STAT3: variants seen among roughly 807,000 people sequenced by gnomAD.
STAT3 encodes signal transducer and activator of transcription 3.
Under a neutral mutation model 114.3 loss-of-function variants are expected in STAT3, and 7 were observed. That is an observed-to-expected ratio of 0.06 (90% CI 0.03 to 0.11). The LOEUF is 0.11. Among genes scored for constraint, STAT3 ranks in the 10% least tolerant of loss-of-function variants. STAT3 has a pLI of 1.00. For missense variants in STAT3, 364 were observed against 960.9 expected (o/e 0.38, Z 8.21); for synonymous variants, 331 against 354.5 (o/e 0.93, Z 0.74).
intron 20 of STAT3, 41 bp from the exon 21 acceptor site, chr17:42,322,535 G>A (rs1390980621): frequency 6.2e-7 from 1 of 1,608,386 alleles, no homozygotes. Flanking sequence ...GGAACCTACA[G>A]CTAGGTCATC....
intron 4 of STAT3, among the ~76,000 whole-genome samples, chr17:42,340,175 C>T (rs576791707): frequency 2.0e-5 from 3 of 151,746 alleles, no homozygotes; most frequent in Admixed American, 6.6e-5. Flanking sequence ...CTGACCGACA[C>T]GGAGAAACCC....
In STAT3 at chr17:42,388,266, G is replaced by C; in HGVS notation, c.-24+13C>G. 2 of 1,231,852 alleles carry C rather than the reference G, an allele frequency of 1.6e-6. No individual in the cohort carries two copies. The highest frequency in any genetic ancestry group is 2.0e-6 in the Non-Finnish European group (2 of 988,096). 76.3% of individuals were successfully genotyped at this position (1,231,852 alleles called of 1,614,324 possible). On this transcript the variant is annotated intron_variant, in intron 1 of 23. Coordinates refer to ENST00000264657, the MANE Select transcript of STAT3 (RefSeq NM_139276.3). ...CAGGCCTCCCCAACGGCCCCACCCT[G>C]CACCCCCTTCACCTGTTTCTCCGGC... is the stretch of plus-strand genomic sequence containing the variant.
chr17:42,329,541 T>C lies in STAT3; in HGVS notation c.1233+13A>G. On this transcript the variant is annotated intron_variant, in intron 13 of 23. Coordinates refer to ENST00000264657, the MANE Select transcript of STAT3 (RefSeq NM_139276.3). ...CCAGAGGCCCTTTGTGAAGGGGAGC[T>C]CCTCCCACATACCAAGTGTTTGAAT... is the stretch of plus-strand genomic sequence containing the variant. 1.9e-6 allele frequency: 3 copies of C among 1,614,102 alleles called. No individual in the cohort carries two copies. Among genetic ancestry groups the C allele is most frequent in the Non-Finnish European group, 2.5e-6 (3 of 1,179,980 alleles).
rs59204136 is a variant in STAT3, at chr17:42,354,806, C to CAAA, written c.-23-6270_-23-6268dup. Among the ~76,000 whole-genome samples, 162 of 104,410 alleles carry CAAA rather than the reference C, an allele frequency of 1.6e-3. 5 individuals are homozygous for CAAA. The highest frequency in any genetic ancestry group is 6.6e-3 in the African/African-American group (153 of 23,338). The allele number at this position is 104,410 out of a possible 152,430, so 68.5% of individuals were successfully genotyped here. On this transcript the variant is annotated intron_variant, in intron 1 of 23. Transcript: ENST00000264657. ...TGGGCAACAGAGTGAGACTCTGTCT[C>CAAA]AAAAAAAAAAAAAAGAAGGCACCAG...
chr17:42,345,210 A>C (rs994751052), intron 4 of STAT3, among the ~76,000 whole-genome samples: 1 of 151,922 alleles, frequency 6.6e-6, no homozygotes, highest in African/African-American at 2.4e-5. Context: ...GGTTGCAGTG[A>C]GCCAAGATCG....
chr17:42,366,602 C>T (rs749910162), intron 1 of STAT3, among the ~76,000 whole-genome samples: 1 of 133,226 alleles, frequency 7.5e-6, no homozygotes, highest in African/African-American at 2.8e-5. Flanking sequence ...GCCCAGGAGG[C>T]GGAGGTTGTA....
chr17:42,346,349 T>C (rs2082700045), intron 3 of STAT3, among the ~76,000 whole-genome samples: 1 of 152,234 alleles, frequency 6.6e-6, no homozygotes, highest in African/African-American at 2.4e-5. Context: ...ACAATCACTT[T>C]ATTACTTCAA....
chr17:42,378,319 C>T (rs1322611701), intron 1 of STAT3, among the ~76,000 whole-genome samples: 1 of 152,170 alleles, frequency 6.6e-6, no homozygotes, highest in Non-Finnish European at 1.5e-5. Flanking sequence ...GATCTCGACT[C>T]ACTGCAACCT....
chr17:42,324,749 C>T lies in STAT3; in HGVS notation c.1562G>A (p.Ser521Asn), dbSNP rs1598397013. The T allele has an allele frequency of 4.3e-6, 7 of 1,614,154 alleles. No homozygotes were observed. The highest frequency in any genetic ancestry group is 1.1e-5 in the South Asian group (1 of 91,082). ...QFSSTTKRGLSIEQLTTLAEK... is the reference protein window; with the variant it reads ...QFSSTTKRGLNIEQLTTLAEK... ...TGCCAGTGTAGTCAGCTGCTCGATG[C>T]TCAGTCCTCGCTTGGTGGTGGAGGA... The change falls in exon 17 of 24, where the codon AGC (serine) becomes AAC (asparagine). Residue 521 changes from serine to asparagine, a missense_variant. By Grantham distance (46) the Ser-to-Asn change is conservative. This residue lies in a region of STAT3 where 294 missense variants were observed against 745.1 expected (regional missense o/e 0.39). Transcript: ENST00000264657. The surrounding 1 kb of genome is among the most constrained non-coding windows in gnomAD (Gnocchi z 4.5).
At chr17:42,384,003 T>C (rs1360729588) in intron 1 of STAT3, among the ~76,000 whole-genome samples, 2 of 152,230 alleles carry the variant, frequency 1.3e-5, no homozygotes, top group African/African-American at 4.8e-5. Context: ...AGAGGGCATA[T>C]GCACTGATTT....
intron 10 of STAT3, among the ~76,000 whole-genome samples, chr17:42,332,501 G>A (rs939828290): frequency 1.6e-5 from 2 of 127,584 alleles, no homozygotes; most frequent in Non-Finnish European, 3.1e-5. Flanking sequence ...TCACACCTCA[G>A]CACTCTAGCC....
rs2082647268 is a variant in STAT3 at position 42,345,320 on chromosome 17, T to C, written c.372+239A>G. 11 of 504,394 alleles carry C rather than the reference T, an allele frequency of 2.2e-5. 1 individual carries two copies. In the South Asian group the frequency reaches 2.6e-4, roughly 12 times the overall value. 31.2% of individuals were successfully genotyped at this position (504,394 alleles called of 1,614,324 possible). ...ATTTGTCAGAACAAAACAAAACTTT[T>C]AAACCATTGGGTCTGTTGGATTCTT... On this transcript the variant is annotated intron_variant, in intron 4 of 23. Coordinates refer to ENST00000264657, the MANE Select transcript of STAT3 (RefSeq NM_139276.3).
chr17:42,339,156 T>C (rs2082338541), intron 5 of STAT3, among the ~76,000 whole-genome samples, 158 bp downstream of exon 5: 1 of 148,912 alleles, frequency 6.7e-6, no homozygotes, highest in Non-Finnish European at 1.5e-5. Context: ...CTTGGGAGGA[T>C]GAGGTAGGAG....
chr17:42,385,574 G>C (rs2085057826), intron 1 of STAT3, among the ~76,000 whole-genome samples: 1 of 150,752 alleles, frequency 6.6e-6, no homozygotes, highest in South Asian at 2.1e-4. Context: ...CATAAGCTAA[G>C]AAGGTTTGGA....
chr17:42,337,815 T>C lies in STAT3; in HGVS notation c.593A>G (p.Gln198Arg), dbSNP rs2082289064. The part of the protein sequence containing the change: ...LNGNNQSVTR[Q>R]KMQQLEQMLT... ...CATCTGTTCCAGCTGCTGCATCTTC[T>C]GCCTGGTCACTGACTGGTTGTTTCC... The change falls in exon 7 of 24, where the codon CAG (glutamine) becomes CGG (arginine). Residue 198 changes from glutamine (Q) to arginine (R), a missense_variant. By Grantham distance (43) the Gln-to-Arg change is conservative. Coordinates refer to ENST00000264657, the MANE Select transcript of STAT3 (RefSeq NM_139276.3). The surrounding 1 kb of genome is among the most constrained non-coding windows in gnomAD (Gnocchi z 4.0). 1 of 1,614,118 alleles carries C rather than the reference T, an allele frequency of 6.2e-7. No homozygotes were observed. Among genetic ancestry groups the C allele is most frequent in the South Asian group, 1.1e-5 (1 of 91,082 alleles).
chr17:42,369,484 T>C (rs2083987868), intron 1 of STAT3, among the ~76,000 whole-genome samples: 1 of 152,336 alleles, frequency 6.6e-6, no homozygotes, highest in Non-Finnish European at 1.5e-5. Flanking sequence ...TTTAGGTTGA[T>C]TCCATGTCTT....
intron 1 of STAT3, among the ~76,000 whole-genome samples, chr17:42,380,560 T>C (rs191552455): frequency 6.6e-6 from 1 of 150,636 alleles, no homozygotes; most frequent in African/African-American, 2.4e-5. Context: ...AATTTTTATA[T>C]TTTTAGTAGA....
chr17:42,343,292 T>C (rs1302908432), intron 4 of STAT3, among the ~76,000 whole-genome samples: 1 of 151,734 alleles, frequency 6.6e-6, no homozygotes, highest in Non-Finnish European at 1.5e-5. Flanking sequence ...TCCCTGATTA[T>C]AGGATATTAA....
At chr17:42,371,231 T>C (rs1023281184) in intron 1 of STAT3, among the ~76,000 whole-genome samples, 1 of 152,000 alleles carries the variant, frequency 6.6e-6, no homozygotes, top group Admixed American at 6.6e-5. Context: ...AGAGTTATAT[T>C]TTGGGCAAGT....
Sources: gnomAD v4.1 joint callset for allele counts (sites outside exome capture counted in the v4.1 genomes callset) on GRCh38, gnomAD v4.1.1 for gene constraint, gnomAD v4.1.1 regional missense constraint, Gnocchi (gnomAD v3.1) non-coding constraint, MANE v1.5 for transcripts, NCBI Gene and HGNC (gene_info 2026-07-23, HGNC 2026-07-21) for gene names.